Variants in RAD51B observed in about 807,000 individuals in gnomAD.
The protein encoded by RAD51B is DNA repair protein RAD51 homolog 2.
A neutral mutation model predicts 42.2 loss-of-function variants in RAD51B; 38 were observed. That is an observed-to-expected ratio of 0.90 (90% CI 0.70 to 1.18). The LOEUF (loss-of-function observed/expected upper bound fraction) is 1.18. Among genes scored for constraint, RAD51B ranks in the 50% most tolerant of loss-of-function variants. The pLI is 0.00. For synonymous variants in RAD51B, 154 were observed against 145.2 expected (o/e 1.06, Z -0.43); for missense variants, 373 against 400.7 (o/e 0.93, Z 0.59).
intron 7 of RAD51B, among the ~76,000 whole-genome samples, chr14:68,199,044 AT>A (rs2140920568): frequency 6.6e-6 from 1 of 152,336 alleles, no homozygotes; most frequent in East Asian, 1.9e-4. Context: ...TAGATAGCTA[AT>A]CTGCCCAATG....
At chr14:68,107,991 G>T (rs1266214128) in intron 7 of RAD51B, among the ~76,000 whole-genome samples, 3 of 151,614 alleles carry the variant, frequency 2.0e-5, no homozygotes, top group African/African-American at 7.3e-5. Context: ...CCAATAGAAA[G>T]ACAAATAATT....
chr14:68,531,018 GA>G (rs1887269371), intron 10 of RAD51B, among the ~76,000 whole-genome samples: 1 of 151,984 alleles, frequency 6.6e-6, no homozygotes, highest in Non-Finnish European at 1.5e-5. Context: ...TTCAGACTTT[GA>G]AACATATATA....
At chr14:68,610,467 T>G (rs1891633335) in intron 10 of RAD51B, among the ~76,000 whole-genome samples, 1 of 152,144 alleles carries the variant, frequency 6.6e-6, no homozygotes, top group Non-Finnish European at 1.5e-5. Context: ...CCATATGAGC[T>G]CCACATGCAT....
chr14:68,171,730 G>C (rs1010873266), intron 7 of RAD51B, among the ~76,000 whole-genome samples: 4 of 151,696 alleles, frequency 2.6e-5, no homozygotes, highest in African/African-American at 9.7e-5. Context: ...TGTGTGTGAC[G>C]GAGTCTCGCT....
chr14:68,543,411 A>G (rs146658529), intron 10 of RAD51B, among the ~76,000 whole-genome samples: 17 of 152,384 alleles, frequency 1.1e-4, no homozygotes, highest in Admixed American at 6.5e-4. Flanking sequence ...ATCTGGAAAT[A>G]GAAATGATTC....
At chr14:67,921,891 G>A (rs2044338907) in intron 7 of RAD51B, among the ~76,000 whole-genome samples, 1 of 152,006 alleles carries the variant, frequency 6.6e-6, no homozygotes, top group Admixed American at 6.6e-5. Context: ...GTTTATGGGT[G>A]TGTGTGTGTT....
At chr14:68,146,881 C>G (rs1286443919) in intron 7 of RAD51B, among the ~76,000 whole-genome samples, 2 of 151,946 alleles carry the variant, frequency 1.3e-5, no homozygotes, top group Admixed American at 6.6e-5. Context: ...AGATTAAGAG[C>G]CTTAGGCCAA....
chr14:68,549,286 C>G (rs1267466944), intron 10 of RAD51B, among the ~76,000 whole-genome samples: 1 of 152,068 alleles, frequency 6.6e-6, no homozygotes, highest in African/African-American at 2.4e-5. Flanking sequence ...GAGGGCACAA[C>G]TCACATTTCT....
chr14:68,270,266 A>G (rs1325725704), intron 7 of RAD51B, among the ~76,000 whole-genome samples: 1 of 152,214 alleles, frequency 6.6e-6, no homozygotes, highest in Admixed American at 6.5e-5. Flanking sequence ...TGTAAGGAGC[A>G]GATGGTTCAC....
downstream of RAD51B, among the ~76,000 whole-genome samples, chr14:68,613,680 T>C (rs1487299834): frequency 6.6e-6 from 1 of 151,868 alleles, no homozygotes; most frequent in East Asian, 1.9e-4. Context: ...GGTCTCGATC[T>C]CCTGACTTTG....
chr14:68,514,318 A>G (rs1885972383), intron 10 of RAD51B, among the ~76,000 whole-genome samples: 1 of 152,242 alleles, frequency 6.6e-6, no homozygotes, highest in African/African-American at 2.4e-5. Flanking sequence ...AGCAGGAAGC[A>G]GGACCTACTG....
At chr14:67,850,429 G>C (rs1292178075) in intron 4 of RAD51B, among the ~76,000 whole-genome samples, 1 of 152,046 alleles carries the variant, frequency 6.6e-6, no homozygotes, top group African/African-American at 2.4e-5. Context: ...GTCGAGTAGG[G>C]TCTTTTGTCT....
intron 7 of RAD51B, among the ~76,000 whole-genome samples, chr14:68,018,248 T>G (rs935682429): frequency 6.6e-6 from 1 of 152,338 alleles, no homozygotes; most frequent in South Asian, 2.1e-4. Context: ...TTTTACACAC[T>G]TCCTGTCCCC....
At chr14:68,611,419 C>T in exon 11 of RAD51B, 2 of 607,718 alleles carry the variant, frequency 3.3e-6, no homozygotes, top group Non-Finnish European at 5.9e-6. Context: ...CATCTTCCTC[C>T]CACTCCTACA....
chr14:68,510,187 C>G (rs1885627865), intron 10 of RAD51B, among the ~76,000 whole-genome samples: 1 of 152,202 alleles, frequency 6.6e-6, no homozygotes, highest in African/African-American at 2.4e-5. Context: ...TTCCCTCCAT[C>G]CTGAGTTTGT....
rs8023006 is a variant in RAD51B, at chr14:68,388,337, A to C, written c.854-23087A>C. On this transcript the variant is annotated intron_variant, in intron 8 of 10. Coordinates refer to ENST00000471583, the MANE Select transcript of RAD51B (RefSeq NM_133510.4). Reference sequence around the variant, plus strand: ...GATCTCGAACTCCTGACCTCAAGTGATCTACCCACCTTGGCCTCCCAAAGT... The same window carrying C: ...GATCTCGAACTCCTGACCTCAAGTGCTCTACCCACCTTGGCCTCCCAAAGT... Among the ~76,000 whole-genome samples, 1,161 of 152,054 alleles carry C rather than the reference A, an allele frequency of 7.6e-3. 8 individuals are homozygous for C. Among genetic ancestry groups the C allele is most frequent in the Middle Eastern group, 0.027 (8 of 294 alleles).
chr14:68,237,140 T>C (rs2080275814), intron 7 of RAD51B, among the ~76,000 whole-genome samples: 1 of 152,222 alleles, frequency 6.6e-6, no homozygotes. Flanking sequence ...AAAATTTTTT[T>C]GCTGTGGAGC....
intron 7 of RAD51B, among the ~76,000 whole-genome samples, chr14:67,981,967 C>T (rs1413003671): frequency 6.6e-6 from 1 of 152,166 alleles, no homozygotes; most frequent in Non-Finnish European, 1.5e-5. Flanking sequence ...GACAGAGTCT[C>T]GCATTGTCAC....
At chr14:68,672,630 C>T (rs1320400954) in intron 11 of RAD51B, among the ~76,000 whole-genome samples, 2 of 152,006 alleles carry the variant, frequency 1.3e-5, no homozygotes, top group Admixed American at 1.3e-4. Context: ...GTTATATAGC[C>T]CAGAATAAAA....
Sources: allele counts gnomAD v4.1 joint callset (sites outside exome capture counted in the v4.1 genomes callset), GRCh38; gene constraint gnomAD v4.1.1; transcripts MANE v1.5; gene names NCBI Gene and HGNC (gene_info 2026-07-23, HGNC 2026-07-21).